EXOC6: variants seen among roughly 807,000 people sequenced by gnomAD.
The protein encoded by EXOC6 is exocyst complex component 6.
Under a neutral mutation model 112.5 loss-of-function variants are expected in EXOC6, and 60 were observed. The observed-to-expected ratio is 0.53, with a 90% CI of 0.43 to 0.66. The LOEUF (loss-of-function observed/expected upper bound fraction) is 0.66, where lower values mean the gene tolerates loss of function less well. Ranked by LOEUF, EXOC6 falls within the 30% of genes least tolerant of loss-of-function variation. The pLI, the probability that EXOC6 is intolerant of heterozygous loss-of-function variation, is 0.00. For synonymous variants in EXOC6, 295 were observed against 308.0 expected (o/e 0.96, Z 0.44); for missense variants, 855 against 957.1 (o/e 0.89, Z 1.41).
intron 6 of EXOC6, among the ~76,000 whole-genome samples, chr10:92,911,625 A>T (rs1314687606): frequency 6.6e-6 from 1 of 151,968 alleles, no homozygotes; most frequent in Non-Finnish European, 1.5e-5. Context: ...GAGAGAATAG[A>T]CTCTCTTGGT....
intron 18 of EXOC6, among the ~76,000 whole-genome samples, chr10:92,974,537 A>G (rs936215822): frequency 4.1e-5 from 1 of 24,262 alleles, no homozygotes; most frequent in African/African-American, 4.4e-4. Flanking sequence ...AGTTAACACA[A>G]TTGCTCGTCT....
intron 17 of EXOC6, among the ~76,000 whole-genome samples, chr10:92,964,718 G>GA (rs1841974924): frequency 6.6e-6 from 1 of 152,152 alleles, no homozygotes; most frequent in South Asian, 2.1e-4. Flanking sequence ...AACAATAAAG[G>GA]AAAAATTATT....
intron 8 of EXOC6, among the ~76,000 whole-genome samples, chr10:92,925,538 G>T (rs145634543): frequency 1.3e-5 from 2 of 151,824 alleles, no homozygotes; most frequent in Non-Finnish European, 2.9e-5. Context: ...CAAGTGATCC[G>T]TCCTCCTCGG....
At chr10:92,885,011 AG>A (rs1282411958) in intron 1 of EXOC6, among the ~76,000 whole-genome samples, 2 of 152,194 alleles carry the variant, frequency 1.3e-5, no homozygotes, top group Non-Finnish European at 2.9e-5. Context: ...ATTAATTTCT[AG>A]TGAACCAATT....
chr10:92,886,439 C>T (rs1849221348), intron 1 of EXOC6, among the ~76,000 whole-genome samples: 1 of 152,206 alleles, frequency 6.6e-6, no homozygotes, highest in Admixed American at 6.5e-5. Flanking sequence ...ATGGGTGCAA[C>T]AGTGCACATC....
chr10:92,932,999 G>A (rs1389070271), intron 9 of EXOC6, among the ~76,000 whole-genome samples: 2 of 152,148 alleles, frequency 1.3e-5, no homozygotes, highest in Admixed American at 6.5e-5. Flanking sequence ...GGTTACTTAA[G>A]GATGTGTAAT....
chr10:92,932,013 C>T (rs1170449373), intron 9 of EXOC6, among the ~76,000 whole-genome samples: 1 of 151,926 alleles, frequency 6.6e-6, no homozygotes, highest in Non-Finnish European at 1.5e-5. Flanking sequence ...ATTATAAACA[C>T]CAAAAACTAG....
At chr10:92,907,795 C>A (rs995746420) in intron 5 of EXOC6, among the ~76,000 whole-genome samples, 1 of 152,052 alleles carries the variant, frequency 6.6e-6, no homozygotes, top group African/African-American at 2.4e-5. Context: ...CTTCATCAAG[C>A]CTTTAATATC....
intron 8 of EXOC6, among the ~76,000 whole-genome samples, chr10:92,920,785 A>T (rs1851391042): frequency 1.3e-5 from 2 of 152,290 alleles, no homozygotes; most frequent in East Asian, 3.9e-4. Context: ...AGGTGAATAT[A>T]TGTTTATAAT....
intron 18 of EXOC6, among the ~76,000 whole-genome samples, chr10:92,983,714 C>T (rs1224634210): frequency 1.3e-5 from 2 of 151,976 alleles, no homozygotes; most frequent in Non-Finnish European, 2.9e-5. Context: ...ACTGTTTTGG[C>T]CAGGCTGGTC....
intron 19 of EXOC6, 110 bp from the exon 20 acceptor site, chr10:93,014,082 TTA>T (rs1013259299): frequency 1.3e-6 from 1 of 759,476 alleles, no homozygotes; most frequent in African/African-American, 1.8e-5. Context: ...TTTGAAATGA[TTA>T]TGTGTAAATA....
chr10:92,851,746 G>T (rs1323434401), intron 1 of EXOC6, among the ~76,000 whole-genome samples: 1 of 151,474 alleles, frequency 6.6e-6, no homozygotes, highest in Non-Finnish European at 1.5e-5. Context: ...CGTGACTATA[G>T]ATTCTACAGA....
intron 9 of EXOC6, among the ~76,000 whole-genome samples, chr10:92,931,115 G>GAAAAAAAAAAAAAAAAAAAAAAAAAAA (rs60087746): frequency 1.4e-5 from 1 of 70,612 alleles, no homozygotes. Context: ...CATCTCAGAA[G>GAAAAAAAAAAAAAAAAAAAAAAAAAAA]AAAAAAAAAA....
At chr10:92,906,340 G>A (rs1330357548) in intron 5 of EXOC6, among the ~76,000 whole-genome samples, 1 of 151,896 alleles carries the variant, frequency 6.6e-6, no homozygotes, top group African/African-American at 2.4e-5. Context: ...TTGTATGCAG[G>A]ACGTTATATT....
chr10:93,054,868 T>C (rs1471146709), intron 20 of EXOC6, among the ~76,000 whole-genome samples: 1 of 152,162 alleles, frequency 6.6e-6, no homozygotes, highest in African/African-American at 2.4e-5. Flanking sequence ...GTGTTCATTA[T>C]TGAAATTTAT....
At chr10:93,033,775 G>C (rs539042198) in intron 20 of EXOC6, among the ~76,000 whole-genome samples, 3 of 152,162 alleles carry the variant, frequency 2.0e-5, no homozygotes, top group Non-Finnish European at 4.4e-5. Context: ...TTGAGTGCCA[G>C]GCACTGGGGA....
At position 92,962,064 on chromosome 10, in the gene EXOC6, G is replaced by A. The variant is rs568134482; in HGVS notation, c.1773+6350G>A. Among the ~76,000 whole-genome samples the A allele has an allele frequency of 4.3e-4, 65 of 152,232 alleles. No individual in the cohort carries two copies. In the South Asian group the frequency reaches 0.013, roughly 31 times the overall value. On this transcript the variant is annotated intron_variant, in intron 17 of 21. Transcript: ENST00000260762. ...GACAATCTCAGATAATCCAAAGACTGGATTTTGAATTATTCCAGATAATTG... is the reference window on the plus strand; with the variant it reads ...GACAATCTCAGATAATCCAAAGACTAGATTTTGAATTATTCCAGATAATTG...
intron 20 of EXOC6, among the ~76,000 whole-genome samples, chr10:93,051,212 T>TA (rs1359967250): frequency 6.6e-6 from 1 of 151,866 alleles, no homozygotes; most frequent in Non-Finnish European, 1.5e-5. Flanking sequence ...TAGCTTAGCA[T>TA]AAAAAAATAC....
intron 20 of EXOC6, among the ~76,000 whole-genome samples, chr10:93,021,972 A>T (rs545109465): frequency 1.3e-5 from 2 of 152,226 alleles, no homozygotes; most frequent in East Asian, 3.9e-4. Flanking sequence ...GTTCATAAGG[A>T]TTCTGTTCTT....
Sources: gnomAD v4.1 joint callset for allele counts (sites outside exome capture counted in the v4.1 genomes callset) on GRCh38, gnomAD v4.1.1 for gene constraint, MANE v1.5 for transcripts, NCBI Gene and HGNC (gene_info 2026-07-23, HGNC 2026-07-21) for gene names.